Variants in ARL15 observed in about 807,000 individuals in gnomAD.
The protein encoded by ARL15 is ARF like GTPase 15.
ARL15 carries 19 observed loss-of-function variants against 25.2 expected under a neutral mutation model. The observed-to-expected ratio is 0.75, with a 90% CI of 0.53 to 1.10. ARL15 has a LOEUF of 1.10. Among genes scored for constraint, ARL15 ranks in the 50% least tolerant of loss-of-function variants. The probability of loss-of-function intolerance (pLI) is 0.00; values close to 1 mark genes in which losing one functional copy is unlikely to be tolerated. For missense variants in ARL15, 220 were observed against 246.0 expected, an observed-to-expected ratio of 0.89 and a Z score of 0.71; for synonymous variants, 94 against 86.8, an observed-to-expected ratio of 1.08 and a Z score of -0.46.
intron 1 of ARL15, among the ~76,000 whole-genome samples, chr5:54,280,289 A>G (rs1479120291): frequency 6.6e-6 from 1 of 152,204 alleles, no homozygotes; most frequent in Non-Finnish European, 1.5e-5. Context: ...TGCTTCTCAG[A>G]GGATCTGGGA....
chr5:54,178,206 T>C (rs1179382259), intron 1 of ARL15, among the ~76,000 whole-genome samples: 2 of 152,254 alleles, frequency 1.3e-5, no homozygotes, highest in East Asian at 3.8e-4. Flanking sequence ...CCTACCATCC[T>C]GTTTCGCTAA....
intron 4 of ARL15, among the ~76,000 whole-genome samples, chr5:53,985,671 A>G (rs916533680): frequency 6.6e-6 from 1 of 152,154 alleles, no homozygotes; most frequent in Non-Finnish European, 1.5e-5. Context: ...ATAACATTCC[A>G]TTGCATGTGT....
intron 3 of ARL15, among the ~76,000 whole-genome samples, chr5:54,137,807 T>A (rs991028793): frequency 6.6e-6 from 1 of 152,140 alleles, no homozygotes; most frequent in Middle Eastern, 3.2e-3. Context: ...AATTTTAAAT[T>A]GTATATTATA....
intron 1 of ARL15, among the ~76,000 whole-genome samples, chr5:54,273,054 G>A (rs1757832365): frequency 6.6e-6 from 1 of 152,094 alleles, no homozygotes; most frequent in African/African-American, 2.4e-5. Flanking sequence ...AAATTCTAAG[G>A]TTCCATCTTG....
intron 4 of ARL15, among the ~76,000 whole-genome samples, chr5:53,896,325 C>T (rs777823757): frequency 6.6e-6 from 1 of 152,078 alleles, no homozygotes; most frequent in Non-Finnish European, 1.5e-5. Context: ...TGAGCCACCA[C>T]GCCCAGCCTA....
At chr5:53,950,219 A>G (rs1746898990) in intron 4 of ARL15, among the ~76,000 whole-genome samples, 1 of 145,074 alleles carries the variant, frequency 6.9e-6, no homozygotes. Flanking sequence ...GCTTGAGGCC[A>G]GGAGTTCAGG....
intron 1 of ARL15, among the ~76,000 whole-genome samples, chr5:54,275,905 G>A (rs1488455651): frequency 6.7e-6 from 1 of 149,332 alleles, no homozygotes; most frequent in Admixed American, 6.7e-5. Flanking sequence ...ATGTTAGCCA[G>A]GATGGTCTCG....
In ARL15 at chr5:53,890,008, T is replaced by C. The variant is rs112470580; in HGVS notation, c.463-3295A>G. ...TTGTATTTTTAGTAGAGACAGAATTTCACCACGTTGGCCAGGCTGGTCTCG... is the reference window on the plus strand; with the variant it reads ...TTGTATTTTTAGTAGAGACAGAATTCCACCACGTTGGCCAGGCTGGTCTCG... On this transcript the variant is annotated intron_variant, in intron 4 of 4. Coordinates refer to ENST00000504924, the MANE Select transcript of ARL15 (RefSeq NM_019087.3). Among the ~76,000 whole-genome samples, 1,089 of 152,256 alleles carry C rather than the reference T, an allele frequency of 7.2e-3. 17 individuals are homozygous for C. The highest frequency in any genetic ancestry group is 0.025 in the African/African-American group (1,043 of 41,550).
intron 3 of ARL15, among the ~76,000 whole-genome samples, chr5:54,143,497 T>C (rs1434597073): frequency 1.3e-5 from 2 of 152,042 alleles, no homozygotes; most frequent in Non-Finnish European, 2.9e-5. Flanking sequence ...TTTGTCACCA[T>C]ATATAGCTGA....
intron 1 of ARL15, among the ~76,000 whole-genome samples, chr5:54,293,136 T>G (rs1758376433): frequency 6.6e-6 from 1 of 152,180 alleles, no homozygotes; most frequent in Non-Finnish European, 1.5e-5. Context: ...TCACTGAAGA[T>G]CAGCTCAACA....
intron 4 of ARL15, among the ~76,000 whole-genome samples, chr5:54,057,192 A>G (rs1329366031): frequency 6.6e-6 from 1 of 152,216 alleles, no homozygotes; most frequent in African/African-American, 2.4e-5. Flanking sequence ...GATATTTAGG[A>G]ATAAAAGATG....
At chr5:53,902,777 A>G (rs925909328) in intron 4 of ARL15, among the ~76,000 whole-genome samples, 2 of 152,220 alleles carry the variant, frequency 1.3e-5, no homozygotes, top group Non-Finnish European at 2.9e-5. Context: ...TGTGCCTGTC[A>G]GCAGTTTGTC....
In ARL15 at chr5:53,884,898, T is replaced by G. The variant is rs905764463; in HGVS notation, c.*1663A>C. The G allele has an allele frequency of 1.3e-5, 2 of 152,406 alleles. No homozygotes were observed. Among genetic ancestry groups the G allele is most frequent in the Non-Finnish European group, 2.9e-5 (2 of 67,986 alleles). 9.4% of individuals were successfully genotyped at this position (152,406 alleles called of 1,614,324 possible). A position where few individuals can be genotyped will look rare whatever the true frequency, so the allele number is the denominator to read the frequency against. ...TTTGTGCTGCTCAGGGATTACACAG[T>G]GTTAAAAATATTCAAGAATGCTGCA... On this transcript the variant is annotated 3_prime_UTR_variant, in exon 5 of 5. Transcript: ENST00000504924.
Position 53,940,059 on chromosome 5 carries a change from A to T in ARL15, c.463-53346T>A, listed in dbSNP as rs1250103296. Among the ~76,000 whole-genome samples, 3 of 151,386 alleles carry T rather than the reference A, an allele frequency of 2.0e-5. No homozygotes were observed. The East Asian group carries it at 6.0e-4, about 30-fold the overall frequency. On this transcript the variant is annotated intron_variant, in intron 4 of 4. Coordinates refer to ENST00000504924, the MANE Select transcript of ARL15 (RefSeq NM_019087.3). Reference sequence around the variant, plus strand: ...AGAGGCGCGATCTCGGCTCACTGCAAGCTCCGCCTCCCTGGTTCACGCCAT... The same window carrying T: ...AGAGGCGCGATCTCGGCTCACTGCATGCTCCGCCTCCCTGGTTCACGCCAT...
At chr5:54,076,401 A>C (rs1376869316) in intron 4 of ARL15, among the ~76,000 whole-genome samples, 1 of 151,798 alleles carries the variant, frequency 6.6e-6, no homozygotes, top group Non-Finnish European at 1.5e-5. Context: ...AGCCTGGGCG[A>C]CAGAGCGAGA....
intron 4 of ARL15, among the ~76,000 whole-genome samples, chr5:53,980,530 G>A (rs963293554): frequency 3.3e-5 from 5 of 152,080 alleles, no homozygotes; most frequent in African/African-American, 7.2e-5. Context: ...GACACTAATC[G>A]TTAAATTACA....
At chr5:54,151,335 C>A (rs925732080) in intron 3 of ARL15, among the ~76,000 whole-genome samples, 1 of 152,174 alleles carries the variant, frequency 6.6e-6, no homozygotes, top group Non-Finnish European at 1.5e-5. Context: ...CCTTGTACTT[C>A]TGCACTTAAT....
At chr5:54,025,057 C>T (rs1003949483) in intron 4 of ARL15, among the ~76,000 whole-genome samples, 1 of 151,718 alleles carries the variant, frequency 6.6e-6, no homozygotes, top group African/African-American at 2.4e-5. Context: ...TTTACTAAAA[C>T]CAATAAAGAT....
intron 1 of ARL15, among the ~76,000 whole-genome samples, chr5:54,217,074 AAC>A (rs1165154222): frequency 6.6e-6 from 1 of 152,136 alleles, no homozygotes; most frequent in African/African-American, 2.4e-5. Context: ...AAACGAGATA[AAC>A]AGTTAAGCCA....
Sources: allele counts gnomAD v4.1 joint callset (sites outside exome capture counted in the v4.1 genomes callset), GRCh38; gene constraint gnomAD v4.1.1; transcripts MANE v1.5; gene names NCBI Gene and HGNC (gene_info 2026-07-23, HGNC 2026-07-21).